Variants in NALF1 observed in about 807,000 individuals in gnomAD.
NALF1 encodes family with sequence similarity 155 member A.
NALF1 carries 3 observed loss-of-function variants against 48.4 expected under a neutral mutation model. The observed-to-expected ratio is 0.06, with a 90% CI of 0.03 to 0.16. NALF1 has a LOEUF of 0.16. NALF1 is among the 10% of genes least tolerant of loss of function. NALF1 has a pLI of 1.00. For synonymous variants in NALF1, 262 were observed against 245.7 expected (o/e 1.07, Z -0.62); for missense variants, 526 against 571.5 (o/e 0.92, Z 0.81).
At chr13:107,200,191 C>T (rs541450394) in intron 2 of NALF1, among the ~76,000 whole-genome samples, 70 of 152,312 alleles carry the variant, frequency 4.6e-4, no homozygotes, top group African/African-American at 1.6e-3. Context: ...TCTGGGCACA[C>T]TTGCTCTAAA....
chr13:107,410,995 G>A lies in NALF1; in HGVS notation c.916-200240C>T, dbSNP rs138360802. Among the ~76,000 whole-genome samples the A allele has an allele frequency of 3.8e-3, 581 of 152,178 alleles. 4 individuals are homozygous for A. Among genetic ancestry groups the A allele is most frequent in the African/African-American group, 0.013 (555 of 41,526 alleles). On this transcript the variant is annotated intron_variant, in intron 1 of 2. Transcript: ENST00000375915. ...GAGATGGCACAATAAATTCAGAGTC[G>A]ACAAACTAGCAATGGAAATGCTTGC...
chr13:107,366,237 C>G (rs903517466), intron 1 of NALF1, among the ~76,000 whole-genome samples: 1 of 152,046 alleles, frequency 6.6e-6, no homozygotes, highest in African/African-American at 2.4e-5. Flanking sequence ...ACAGAAACTG[C>G]GTACTATGCC....
rs552229528 is a variant in NALF1 at position 107,589,181 on chromosome 13, C to T, written c.915+276501G>A. Among the ~76,000 whole-genome samples, 241 of 151,974 alleles carry T rather than the reference C, an allele frequency of 1.6e-3. 1 individual carries two copies. The highest frequency in any genetic ancestry group is 5.5e-3 in the African/African-American group (227 of 41,468). On this transcript the variant is annotated intron_variant, in intron 1 of 2. Transcript: ENST00000375915. The stretch of plus-strand genomic sequence containing the variant: ...TCCAAATTATTGTTTATCTTGTGTC[C>T]TTTCTTCTGCTTTTTAACATTTTTT...
At chr13:107,327,600 T>C (rs2138920505) in intron 1 of NALF1, among the ~76,000 whole-genome samples, 1 of 150,244 alleles carries the variant, frequency 6.7e-6, no homozygotes, top group Admixed American at 6.6e-5. Context: ...AATTTCAGCT[T>C]GATGAAACAT....
intron 1 of NALF1, among the ~76,000 whole-genome samples, chr13:107,576,601 T>A (rs544747370): frequency 3.0e-4 from 45 of 152,264 alleles, no homozygotes; most frequent in Non-Finnish European, 5.7e-4. Context: ...GTGGGTCACA[T>A]ACATATGGGT....
intron 1 of NALF1, among the ~76,000 whole-genome samples, chr13:107,484,937 T>C (rs910893125): frequency 6.6e-6 from 1 of 152,154 alleles, no homozygotes; most frequent in Non-Finnish European, 1.5e-5. Context: ...GCAGAGTATT[T>C]GTCTTTAGGG....
chr13:107,572,941 C>T (rs1475509962), intron 1 of NALF1, among the ~76,000 whole-genome samples: 1 of 152,170 alleles, frequency 6.6e-6, no homozygotes, highest in Non-Finnish European at 1.5e-5. Flanking sequence ...AAGTGCTACC[C>T]ACAGCCTACG....
intron 1 of NALF1, among the ~76,000 whole-genome samples, chr13:107,367,293 C>G (rs958068267): frequency 6.6e-6 from 1 of 152,072 alleles, no homozygotes; most frequent in Admixed American, 6.5e-5. Context: ...GAGAGAGCCA[C>G]TGATCACTCT....
chr13:107,682,906 A>G (rs1028581303), intron 1 of NALF1, among the ~76,000 whole-genome samples: 1 of 152,180 alleles, frequency 6.6e-6, no homozygotes, highest in Non-Finnish European at 1.5e-5. Context: ...TGTTTTAATT[A>G]TAAATGCAAA....
At position 107,170,576 on chromosome 13, in the gene NALF1, G is replaced by A. The variant is rs1161643919; in HGVS notation, c.1298C>T (p.Ala433Val). Residue 433 changes from alanine to valine, a missense_variant, in exon 3 of 3, where the codon GCC becomes GTC. Ala to Val is a moderately conservative substitution (Grantham distance 64). Coordinates refer to ENST00000375915, the MANE Select transcript of NALF1 (RefSeq NM_001080396.3). ...TCCGGCTGTGTTCTGTGCTGCCGAG[G>A]CTGTGAGCACTGTGTGTAAGAGAAT... ...VLILLHTVLTASAAQNTAGLS... is the reference protein window; with the variant it reads ...VLILLHTVLTVSAAQNTAGLS... The A allele has an allele frequency of 6.2e-7, 1 of 1,614,144 alleles. No individual in the cohort carries two copies. Among genetic ancestry groups the A allele is most frequent in the East Asian group, 2.2e-5 (1 of 44,878 alleles).
Position 107,254,920 on chromosome 13 carries a change from T to TA in NALF1, c.916-44166_916-44165insT, listed in dbSNP as rs1439184348. 5.3e-5 allele frequency among the ~76,000 whole-genome samples: 8 copies of TA among 152,358 alleles called. No homozygotes were observed. In the South Asian group the frequency reaches 1.2e-3, roughly 24 times the overall value. On this transcript the variant is annotated intron_variant, in intron 1 of 2. Coordinates refer to ENST00000375915, the MANE Select transcript of NALF1 (RefSeq NM_001080396.3). Reference sequence around the variant, plus strand: ...CACAGTAGTGGTAAGTAAACATCACTGAACCTATGGAAGGCCATATTTACT... The same window carrying TA: ...CACAGTAGTGGTAAGTAAACATCACTAGAACCTATGGAAGGCCATATTTACT...
chr13:107,195,166 T>C (rs1594064383), intron 2 of NALF1, among the ~76,000 whole-genome samples: 1 of 152,052 alleles, frequency 6.6e-6, no homozygotes, highest in Non-Finnish European at 1.5e-5. Context: ...GGAGGTTCCT[T>C]AAAGAACTAA....
chr13:107,442,110 C>T (rs1175923673), intron 1 of NALF1, among the ~76,000 whole-genome samples: 1 of 151,898 alleles, frequency 6.6e-6, no homozygotes, highest in East Asian at 1.9e-4. Context: ...GCTTTAAGTG[C>T]CTGGTGAGCA....
intron 1 of NALF1, among the ~76,000 whole-genome samples, chr13:107,217,623 C>T (rs375672493): frequency 1.3e-5 from 2 of 152,102 alleles, no homozygotes; most frequent in South Asian, 2.1e-4. Flanking sequence ...AAGTGGAATT[C>T]GGCCTCTTCT....
At chr13:107,398,510 C>G (rs1294793225) in intron 1 of NALF1, among the ~76,000 whole-genome samples, 2 of 151,940 alleles carry the variant, frequency 1.3e-5, no homozygotes, top group Non-Finnish European at 2.9e-5. Flanking sequence ...AATGCTGGTT[C>G]TTCATTATTA....
chr13:107,255,159 G>T (rs1277651235), intron 1 of NALF1, among the ~76,000 whole-genome samples: 1 of 152,198 alleles, frequency 6.6e-6, no homozygotes, highest in Non-Finnish European at 1.5e-5. Flanking sequence ...AAGCAGGACA[G>T]ATAGACAGCT....
chr13:107,407,681 A>C (rs542510667), intron 1 of NALF1, among the ~76,000 whole-genome samples: 1 of 152,192 alleles, frequency 6.6e-6, no homozygotes, highest in East Asian at 1.9e-4. Context: ...TACCTGGAGA[A>C]TAGTTTGGAA....
chr13:107,609,070 C>T (rs1341007855), intron 1 of NALF1, among the ~76,000 whole-genome samples: 1 of 152,110 alleles, frequency 6.6e-6, no homozygotes, highest in Non-Finnish European at 1.5e-5. Flanking sequence ...AAGAAGACTA[C>T]CTTTTCTTTT....
At chr13:107,574,128 A>G (rs1878067989) in intron 1 of NALF1, among the ~76,000 whole-genome samples, 1 of 152,232 alleles carries the variant, frequency 6.6e-6, no homozygotes, top group Non-Finnish European at 1.5e-5. Flanking sequence ...AAAATATATG[A>G]CATGCCTACT....
Sources: gnomAD v4.1 joint callset for allele counts (sites outside exome capture counted in the v4.1 genomes callset) on GRCh38, gnomAD v4.1.1 for gene constraint, MANE v1.5 for transcripts, NCBI Gene and HGNC (gene_info 2026-07-23, HGNC 2026-07-21) for gene names.